RPL18A: variants seen among roughly 807,000 people sequenced by gnomAD.
RPL18A encodes large ribosomal subunit protein eL20.
For synonymous variants in RPL18A, 122 were observed against 96.9 expected, an observed-to-expected ratio of 1.26 and a Z score of -1.52; for missense variants, 163 against 254.1, an observed-to-expected ratio of 0.64 and a Z score of 2.44.
chr19:17,861,546 TAATC>T (rs1207230724), intron 2 of RPL18A, 74 bp downstream of exon 2: 2 of 1,200,926 alleles, frequency 1.7e-6, no homozygotes, highest in South Asian at 1.5e-5. Flanking sequence ...TCTCAAGAAT[TAATC>T]AGACATCGAA....
intron 3 of RPL18A, chr19:17,862,656 G>T: frequency 1.3e-6 from 1 of 744,240 alleles, no homozygotes. Context: ...AACAGCAAGC[G>T]GATCTTGTCG....
At chr19:17,860,936 G>A (rs563518051) in intron 1 of RPL18A, 240 of 268,610 alleles carry the variant, frequency 8.9e-4, no homozygotes, top group Non-Finnish European at 1.2e-3. Flanking sequence ...GATGTTTTGA[G>A]GTGCAGAGTG....
chr19:17,860,070 C>G, intron 1 of RPL18A, 96 bp downstream of exon 1: 1 of 1,179,952 alleles, frequency 8.5e-7, no homozygotes, highest in Non-Finnish European at 1.1e-6. Flanking sequence ...GTGCCGCGCG[C>G]TTCTGTTTGG....
intron 3 of RPL18A, chr19:17,862,506 T>A (rs953549797): frequency 2.9e-6 from 2 of 696,444 alleles, no homozygotes; most frequent in African/African-American, 1.7e-5. Context: ...GAGAACCGAA[T>A]TGAACCCCTG....
rs1763327133 is a variant in RPL18A at position 17,861,096 on chromosome 19, C to G, written c.19-197C>G. On this transcript the variant is annotated intron_variant, in intron 1 of 4. Transcript: ENST00000222247. ...ATTAATCCTCCCTGGAGACCTCCCT[C>G]TCCTCAGTTCATTTTGTGTATAAAG... The G allele has an allele frequency of 1.2e-5, 7 of 589,030 alleles. No homozygotes were observed. In the Admixed American group the frequency reaches 2.1e-4, roughly 18 times the overall value. The allele number at this position is 589,030 out of a possible 1,614,324, so 36.5% of individuals were successfully genotyped here.
intron 3 of RPL18A, chr19:17,862,466 C>T (rs1006694808): frequency 8.9e-6 from 6 of 671,912 alleles, no homozygotes; most frequent in African/African-American, 3.6e-5. Flanking sequence ...AGACTGGGAT[C>T]CACATCACCA....
rs974569187 is a variant in RPL18A, at chr19:17,859,939, G to A, written c.-18G>A. On this transcript the variant is annotated 5_prime_UTR_variant, in exon 1 of 5. Coordinates refer to ENST00000222247, the MANE Select transcript of RPL18A (RefSeq NM_000980.4). ...GACACTTCCTTTTGCGGGTGGCGGC[G>A]AACGCGGAGAGCACGCCATGAAGGC... 6.5e-7 allele frequency: 1 copy of A among 1,543,282 alleles called. No homozygotes were observed. Among genetic ancestry groups the A allele is most frequent in the Non-Finnish European group, 8.7e-7 (1 of 1,145,430 alleles).
chr19:17,862,892 C>T (rs778432041), intron 3 of RPL18A, 26 bp from the exon 4 acceptor site: 3 of 1,525,584 alleles, frequency 2.0e-6, no homozygotes, highest in Middle Eastern at 1.9e-4. Flanking sequence ...GCAACACCGT[C>T]ACCCTGGCCC....
intron 2 of RPL18A, 149 bp from the exon 3 acceptor site, chr19:17,861,945 G>T: frequency 1.1e-6 from 1 of 873,504 alleles, no homozygotes; most frequent in African/African-American, 1.7e-5. Context: ...CTGAAGGTAG[G>T]TGGGGCTGGG....
chr19:17,861,856 G>A (rs1827913782), intron 2 of RPL18A: 2 of 575,602 alleles, frequency 3.5e-6, no homozygotes, highest in African/African-American at 1.9e-5. Flanking sequence ...TCTGGGGCTG[G>A]GTTGGTGTCC....
chr19:17,860,010 TG>T (rs780115730), intron 1 of RPL18A, 36 bp downstream of exon 1: 106 of 1,502,488 alleles, frequency 7.1e-5, no homozygotes, highest in Non-Finnish European at 1.4e-5. Flanking sequence ...GGCCAAGGGA[TG>T]GGGCACGGGC....
Position 17,859,954 on chromosome 19 carries a change from G to T in RPL18A, c.-3G>T, listed in dbSNP as rs373948994. ...GGGTGGCGGCGAACGCGGAGAGCAC[G>T]CCATGAAGGCCTCGGGCACGGTAAG... On this transcript the variant is annotated 5_prime_UTR_variant, in exon 1 of 5. Coordinates refer to ENST00000222247, the MANE Select transcript of RPL18A (RefSeq NM_000980.4). 1 of 1,540,416 alleles carries T rather than the reference G, an allele frequency of 6.5e-7. No individual in the cohort carries two copies. The highest frequency in any genetic ancestry group is 8.7e-7 in the Non-Finnish European group (1 of 1,144,286).
In RPL18A at chr19:17,862,698, G is replaced by A. The variant is rs367870252; in HGVS notation, c.329-220G>A. 3.9e-5 allele frequency: 30 copies of A among 759,700 alleles called. No individual in the cohort carries two copies. The African/African-American group carries it at 4.7e-4, about 12-fold the overall frequency. 47.1% of individuals were successfully genotyped at this position (759,700 alleles called of 1,614,324 possible). On this transcript the variant is annotated intron_variant, in intron 3 of 4. Transcript: ENST00000222247. The stretch of plus-strand genomic sequence containing the variant: ...GGGGGCTGTGGCCGTGCCCCTCAAA[G>A]TGAATTTGGAGGTTCCACAACTCTA...
chr19:17,861,530 C>A lies in RPL18A; in HGVS notation c.198+58C>A, dbSNP rs559531828. On this transcript the variant is annotated intron_variant, in intron 2 of 4. Transcript: ENST00000222247. ...AGTGGATTTGCGCCTCTTGGGACAT[C>A]GTGCATCTCAAGAATTAATCAGACA... 3.8e-6 allele frequency: 5 copies of A among 1,326,030 alleles called. No homozygotes were observed. In the Admixed American group the frequency reaches 9.3e-5, roughly 25 times the overall value. The allele number at this position is 1,326,030 out of a possible 1,614,324, so 82.1% of individuals were successfully genotyped here. A position where few individuals can be genotyped will look rare whatever the true frequency, so the allele number is the denominator to read the frequency against.
intron 4 of RPL18A, 36 bp from the exon 5 acceptor site, chr19:17,863,135 C>T (rs964741703): frequency 1.9e-6 from 3 of 1,577,566 alleles, no homozygotes; most frequent in Admixed American, 1.7e-5. Flanking sequence ...TGTTAAGAGG[C>T]TTCCAACCCC....
rs1599894160 is a variant in RPL18A at position 17,860,300 on chromosome 19, A to G, written c.18+326A>G. The G allele has an allele frequency of 1.2e-5, 5 of 412,628 alleles. No individual in the cohort carries two copies. The East Asian group carries it at 1.3e-4, about 11-fold the overall frequency. The allele number at this position is 412,628 out of a possible 1,614,324, so 25.6% of individuals were successfully genotyped here. ...GCCAAGTTTCTGTTTTCCTTTCTGCAACGTGGACGTGGCGGTAGAGCAATA... is the reference window on the plus strand; with the variant it reads ...GCCAAGTTTCTGTTTTCCTTTCTGCGACGTGGACGTGGCGGTAGAGCAATA... On this transcript the variant is annotated intron_variant, in intron 1 of 4. Transcript: ENST00000222247.
intron 2 of RPL18A, chr19:17,861,682 C>T: frequency 3.4e-6 from 2 of 581,038 alleles, no homozygotes; most frequent in Non-Finnish European, 6.1e-6. Flanking sequence ...ATTAGAAAGC[C>T]AGGGACCCAG....
chr19:17,861,720 C>A lies in RPL18A; in HGVS notation c.198+248C>A, dbSNP rs890575184. On this transcript the variant is annotated intron_variant, in intron 2 of 4. Coordinates refer to ENST00000222247, the MANE Select transcript of RPL18A (RefSeq NM_000980.4). ...AGCGGGTGGGTGGCATGGTGGGACA[C>A]CTTGGTTGGTGCTGTCTTCCCTGGG... is the stretch of plus-strand genomic sequence containing the variant. 5 of 561,862 alleles carry A rather than the reference C, an allele frequency of 8.9e-6. No homozygotes were observed. The East Asian group carries it at 1.5e-4, about 17-fold the overall frequency. The allele number at this position is 561,862 out of a possible 1,614,324, so 34.8% of individuals were successfully genotyped here. A position where few individuals can be genotyped will look rare whatever the true frequency, so the allele number is the denominator to read the frequency against.
intron 4 of RPL18A, 35 bp downstream of exon 4, chr19:17,863,062 G>A (rs550723783): frequency 5.1e-6 from 8 of 1,570,546 alleles, no homozygotes; most frequent in Non-Finnish European, 4.4e-6. Context: ...GGAGGGAAGT[G>A]CCTGCTCTGA....
Sources: gnomAD v4.1 joint callset for allele counts on GRCh38, gnomAD v4.1.1 for gene constraint, MANE v1.5 for transcripts, NCBI Gene and HGNC (gene_info 2026-07-23, HGNC 2026-07-21) for gene names.